Variants in LNPK observed in about 807,000 individuals in gnomAD.
LNPK encodes the protein endoplasmic reticulum junction formation protein lunapark.
A neutral mutation model predicts 55.2 loss-of-function variants in LNPK; 29 were observed. The ratio of observed to expected loss-of-function variants is 0.53; its 90% CI spans 0.39 to 0.72. The LOEUF is 0.72. LNPK is among the 30% of genes least tolerant of loss of function. The pLI is 0.00. For synonymous variants in LNPK, 162 were observed against 168.2 expected, an observed-to-expected ratio of 0.96 and a Z score of 0.29; for missense variants, 467 against 494.8, an observed-to-expected ratio of 0.94 and a Z score of 0.53.
rs1684333593 is a variant in LNPK at position 175,932,636 on chromosome 2, A to G, written c.1055-2437T>C. Among the ~76,000 whole-genome samples the G allele has an allele frequency of 2.0e-5, 3 of 152,226 alleles. No individual in the cohort carries two copies. The South Asian group carries it at 6.2e-4, about 31-fold the overall frequency. ...AGATAGGTATTGATGTTTGGATGCC[A>G]ATGCCATTTTGTAAGAAGTCATCAA... On this transcript the variant is annotated intron_variant, in intron 12 of 12. Transcript: ENST00000272748.
At chr2:175,993,152 A>G (rs770146460) in intron 3 of LNPK, 30 bp downstream of exon 3, 2 of 1,388,512 alleles carry the variant, frequency 1.4e-6, no homozygotes, top group Non-Finnish European at 1.0e-6. Flanking sequence ...CCTAAAATGA[A>G]TTAAAATACC....
intron 12 of LNPK, chr2:175,935,801 T>A (rs1036241882): frequency 4.5e-5 from 38 of 852,766 alleles, no homozygotes; most frequent in Non-Finnish European, 5.2e-5. Context: ...CTAGATTAGA[T>A]GAGAAGGATA....
chr2:175,964,777 C>G (rs1038394696), intron 6 of LNPK, among the ~76,000 whole-genome samples, 188 bp from the exon 7 acceptor site: 2 of 152,098 alleles, frequency 1.3e-5, no homozygotes, highest in Admixed American at 6.6e-5. Flanking sequence ...TTGTACTTAA[C>G]AGTTTTACTG....
chr2:175,974,500 A>T (rs755811812), intron 5 of LNPK, among the ~76,000 whole-genome samples: 1 of 152,216 alleles, frequency 6.6e-6, no homozygotes, highest in African/African-American at 2.4e-5. Flanking sequence ...ACGCAGCTAA[A>T]GACAGCATGA....
intron 6 of LNPK, among the ~76,000 whole-genome samples, chr2:175,967,992 T>C (rs1686455337): frequency 6.6e-6 from 1 of 152,210 alleles, no homozygotes; most frequent in African/African-American, 2.4e-5. Flanking sequence ...GTACAAAATA[T>C]ACTTTATACA....
Position 175,937,382 on chromosome 2 carries a change from G to C in LNPK, c.1016C>G (p.Ser339Ter), listed in dbSNP as rs1411915065. The C allele has an allele frequency of 5.6e-6, 9 of 1,613,664 alleles. No homozygotes were observed. Among genetic ancestry groups the C allele is most frequent in the Non-Finnish European group, 7.6e-6 (9 of 1,179,738 alleles). The change falls in exon 12 of 13, where the codon TCA becomes TGA. Residue 339 changes from serine (S) to a stop codon, truncating the protein, a stop_gained. Transcript: ENST00000272748. LOFTEE classifies it high-confidence loss of function. ...EGSSSVGPLP[S>*]GSVLSSDNQF... ...GTTGTCTGATGAAAGCACACTTCCT[G>C]ATGGCAAGGGACCAACTGAACTTGA...
chr2:175,948,218 T>C (rs1685238035), intron 8 of LNPK, among the ~76,000 whole-genome samples: 1 of 152,232 alleles, frequency 6.6e-6, no homozygotes, highest in Admixed American at 6.5e-5. Context: ...GCTATCCTTT[T>C]GGCAAATTTG....
At chr2:175,942,817 T>G (rs1456984650) in intron 9 of LNPK, among the ~76,000 whole-genome samples, 1 of 146,960 alleles carries the variant, frequency 6.8e-6, no homozygotes, top group East Asian at 2.0e-4. Flanking sequence ...AAAGAAATAA[T>G]AAAGATCAGA....
At chr2:176,001,933 CT>C (rs1446767411) in intron 1 of LNPK, among the ~76,000 whole-genome samples, 1 of 152,254 alleles carries the variant, frequency 6.6e-6, no homozygotes. Context: ...AGCGCCACCA[CT>C]GCCAGTGTGC....
At chr2:175,931,936 G>T (rs983851425) in intron 12 of LNPK, among the ~76,000 whole-genome samples, 1 of 152,086 alleles carries the variant, frequency 6.6e-6, no homozygotes, top group Non-Finnish European at 1.5e-5. Flanking sequence ...AATGTTAAGC[G>T]TCATGGTTTT....
chr2:175,953,751 C>T (rs984625661), intron 8 of LNPK, among the ~76,000 whole-genome samples: 2 of 148,166 alleles, frequency 1.3e-5, no homozygotes, highest in African/African-American at 2.5e-5. Flanking sequence ...CTCTCCAATC[C>T]AACATAACCT....
chr2:175,964,489 T>C lies in LNPK; in HGVS notation c.441+17A>G. ...TGTGTAATTTATAATAAAATAGTAG[T>C]GATATCACAGTCTTACCTTTGCTTT... On this transcript the variant is annotated intron_variant, in intron 7 of 12. Transcript: ENST00000272748. 1 of 1,585,358 alleles carries C rather than the reference T, an allele frequency of 6.3e-7. No homozygotes were observed. The highest frequency in any genetic ancestry group is 8.7e-7 in the Non-Finnish European group (1 of 1,153,928).
At chr2:175,994,307 G>C (rs1413537727) in intron 2 of LNPK, 1 of 983,514 alleles carries the variant, frequency 1.0e-6, no homozygotes, top group East Asian at 1.1e-4. Context: ...AACAAGAAGA[G>C]ATAAATTTGA....
At position 175,992,258 on chromosome 2, in the gene LNPK, G is replaced by A. The variant is rs1181165480; in HGVS notation, c.230C>T (p.Thr77Ile). The A allele has an allele frequency of 5.1e-6, 8 of 1,559,048 alleles. No individual in the cohort carries two copies. Among genetic ancestry groups the A allele is most frequent in the Non-Finnish European group, 6.9e-6 (8 of 1,162,616 alleles). The change falls in exon 4 of 13, where the codon ACA (threonine) becomes ATA (isoleucine). Residue 77 changes from threonine to isoleucine, a missense_variant. Transcript: ENST00000272748. ...CAATGGAAAAGCAAAAAATGGGAGT[G>A]TCATGGCAAGTCTTGCTGTAAATTC... is the stretch of plus-strand genomic sequence containing the variant. ...PDEFTARLAM[T>I]LPFFAFPLII...
intron 4 of LNPK, among the ~76,000 whole-genome samples, chr2:175,985,383 G>A (rs1181267066): frequency 6.6e-6 from 1 of 152,178 alleles, no homozygotes; most frequent in East Asian, 1.9e-4. Context: ...AGGCTCCGTG[G>A]ATTGAAGCAA....
chr2:175,969,345 G>A (rs909656097), intron 6 of LNPK, among the ~76,000 whole-genome samples: 2 of 152,116 alleles, frequency 1.3e-5, no homozygotes, highest in Non-Finnish European at 2.9e-5. Flanking sequence ...TTCCTTTAAA[G>A]GCTATTTAAA....
intron 4 of LNPK, among the ~76,000 whole-genome samples, chr2:175,982,117 C>G (rs1349714471): frequency 6.6e-6 from 1 of 152,066 alleles, no homozygotes; most frequent in Non-Finnish European, 1.5e-5. Flanking sequence ...GCATAATGCC[C>G]ATAACCCTCA....
intron 4 of LNPK, among the ~76,000 whole-genome samples, chr2:175,985,873 C>G (rs1018164706): frequency 6.6e-6 from 1 of 152,192 alleles, no homozygotes; most frequent in Non-Finnish European, 1.5e-5. Flanking sequence ...TTAACTGAAA[C>G]TGCAGAGGGC....
In LNPK at chr2:175,952,832, C is replaced by T. The variant is rs71421539; in HGVS notation, c.494-5140G>A. ...TTGGTCACCAACAACATTATAATAC[C>T]ACTACTAATGTTGCATTAACATAGC... On this transcript the variant is annotated intron_variant, in intron 8 of 12. Transcript: ENST00000272748. Among the ~76,000 whole-genome samples, 1,493 of 152,122 alleles carry T rather than the reference C, an allele frequency of 9.8e-3. 15 individuals carry two copies. The highest frequency in any genetic ancestry group is 0.016 in the Non-Finnish European group (1,072 of 67,980).
Sources: allele counts gnomAD v4.1 joint callset (sites outside exome capture counted in the v4.1 genomes callset), GRCh38; gene constraint gnomAD v4.1.1; transcripts MANE v1.5; gene names NCBI Gene and HGNC (gene_info 2026-07-23, HGNC 2026-07-21).